The following ASIC2 variants were observed in gnomAD, a reference collection of about 807,000 sequenced individuals.
ASIC2 encodes acid-sensing ion channel 2.
ASIC2 carries 25 observed loss-of-function variants against 57.3 expected under a neutral mutation model. The ratio of observed to expected loss-of-function variants is 0.44; its 90% CI spans 0.32 to 0.61. The LOEUF (loss-of-function observed/expected upper bound fraction) is 0.61. ASIC2 is among the 20% of genes least tolerant of loss of function. The pLI is 0.06. For synonymous variants in ASIC2, 319 were observed against 307.5 expected, an observed-to-expected ratio of 1.04 and a Z score of -0.39; for missense variants, 641 against 738.1, an observed-to-expected ratio of 0.87 and a Z score of 1.52.
chr17:33,500,029 C>T (rs756424067), intron 1 of ASIC2, among the ~76,000 whole-genome samples: 3 of 150,820 alleles, frequency 2.0e-5, no homozygotes, highest in Non-Finnish European at 4.4e-5. Flanking sequence ...TTTTGACTTA[C>T]ACAGTTTAAT....
chr17:33,024,019 A>G lies in ASIC2; in HGVS notation c.1196-5T>C. 2 of 1,613,920 alleles carry G rather than the reference A, an allele frequency of 1.2e-6. No homozygotes were observed. On this transcript the variant is annotated splice_polypyrimidine_tract_variant and splice_region_variant and intron_variant, in intron 5 of 9. Transcript: ENST00000225823. ...TGTCCTTTTCCGCCAACAGACCTGGAGGGGAGAGTGAGGTGGGGCTTAGTC... is the reference window on the plus strand; with the variant it reads ...TGTCCTTTTCCGCCAACAGACCTGGGGGGGAGAGTGAGGTGGGGCTTAGTC...
chr17:33,418,020 ATGTATGTATGTGTGTGTGTGTGTGTG>A lies in ASIC2; in HGVS notation c.556-305979_556-305954del, dbSNP rs1365396964. ...CAGAGGCCCCACTCTGGCTCTCAGC[ATGTATGTATGTGTGTGTGTGTGTGTG>A]TGTGTGTGTGTGTGTGTGTGTGTGT... On this transcript the variant is annotated intron_variant, in intron 1 of 9. Coordinates refer to the ASIC2 transcript ENST00000359872. Among the ~76,000 whole-genome samples the A allele has an allele frequency of 6.5e-4, 77 of 117,636 alleles. No homozygotes were observed. In the South Asian group the frequency reaches 6.7e-3, roughly 10 times the overall value. The allele number at this position is 117,636 out of a possible 152,430, so 77.2% of individuals were successfully genotyped here.
chr17:34,124,949 T>G lies in ASIC2; in HGVS notation c.555+31029A>C, dbSNP rs555818059. On this transcript the variant is annotated intron_variant, in intron 1 of 9. Transcript: ENST00000359872. ...TGTAGTCCATAAAAATCCTCAGTGT[T>G]CCCCATGTCATAGATCACAGGAAAT... Among the ~76,000 whole-genome samples, 4 of 150,060 alleles carry G rather than the reference T, an allele frequency of 2.7e-5. No homozygotes were observed. In the South Asian group the frequency reaches 8.3e-4, roughly 31 times the overall value.
At chr17:33,687,095 C>T (rs1225798255) in intron 1 of ASIC2, among the ~76,000 whole-genome samples, 1 of 152,170 alleles carries the variant, frequency 6.6e-6, no homozygotes, top group Non-Finnish European at 1.5e-5. Flanking sequence ...TCAGTTTTTT[C>T]ATGTACAGCA....
intron 1 of ASIC2, among the ~76,000 whole-genome samples, chr17:33,929,187 C>A (rs1330326318): frequency 6.6e-6 from 1 of 152,118 alleles, no homozygotes; most frequent in Non-Finnish European, 1.5e-5. Context: ...CTCACCATTC[C>A]ACTGTTTTGT....
intron 1 of ASIC2, among the ~76,000 whole-genome samples, chr17:34,133,455 G>A (rs546472091): frequency 6.6e-6 from 1 of 152,350 alleles, no homozygotes; most frequent in East Asian, 1.9e-4. Flanking sequence ...TGTTGAGCTG[G>A]CTACAGAACA....
intron 1 of ASIC2, among the ~76,000 whole-genome samples, chr17:33,755,068 C>T (rs1265625406): frequency 4.6e-5 from 7 of 150,666 alleles, no homozygotes; most frequent in East Asian, 1.9e-4. Context: ...TTTGAGCTGA[C>T]GGGATTATTC....
At chr17:33,727,707 A>G (rs1909609374) in intron 1 of ASIC2, among the ~76,000 whole-genome samples, 2 of 152,188 alleles carry the variant, frequency 1.3e-5, no homozygotes, top group Non-Finnish European at 2.9e-5. Flanking sequence ...GGCCAGTATC[A>G]TGCTTCCTTT....
intron 1 of ASIC2, among the ~76,000 whole-genome samples, chr17:33,536,567 C>T (rs761534991): frequency 3.3e-5 from 5 of 152,248 alleles, no homozygotes; most frequent in Non-Finnish European, 7.3e-5. Flanking sequence ...TTTCTTACCA[C>T]TTGCACTGCT....
intron 1 of ASIC2, among the ~76,000 whole-genome samples, chr17:33,312,405 T>A (rs1289951116): frequency 6.6e-6 from 1 of 152,148 alleles, no homozygotes; most frequent in African/African-American, 2.4e-5. Flanking sequence ...TTCTGCCAAA[T>A]GTAGTCTGTT....
chr17:33,252,562 G>C (rs145115347), intron 1 of ASIC2, among the ~76,000 whole-genome samples: 343 of 152,186 alleles, frequency 2.3e-3, no homozygotes, highest in Admixed American at 5.2e-3. Context: ...CCGAGCCATA[G>C]GAAGGTGTGT....
chr17:33,155,776 T>C (rs963245805), intron 1 of ASIC2, among the ~76,000 whole-genome samples: 1 of 152,022 alleles, frequency 6.6e-6, no homozygotes, highest in African/African-American at 2.4e-5. Flanking sequence ...GCCAGGCTGG[T>C]CTCCAACTCC....
At chr17:33,366,545 A>T (rs964511124) in intron 1 of ASIC2, among the ~76,000 whole-genome samples, 8 of 152,200 alleles carry the variant, frequency 5.3e-5, no homozygotes, top group African/African-American at 1.4e-4. Flanking sequence ...CTTCTTTGAC[A>T]TCTTCTCCCT....
chr17:33,987,378 G>A lies in ASIC2; in HGVS notation c.555+168600C>T, dbSNP rs1275732180. Reference sequence around the variant, plus strand: ...TCTGATATATGAGAACCCTTTTATGGATGGGAGTGCAATTTACAGACTTCT... The same window carrying A: ...TCTGATATATGAGAACCCTTTTATGAATGGGAGTGCAATTTACAGACTTCT... On this transcript the variant is annotated intron_variant, in intron 1 of 9. Transcript: ENST00000359872. 2.6e-5 allele frequency among the ~76,000 whole-genome samples: 4 copies of A among 152,114 alleles called. No homozygotes were observed. The East Asian group carries it at 5.8e-4, about 22-fold the overall frequency.
intron 1 of ASIC2, among the ~76,000 whole-genome samples, chr17:33,745,013 G>T (rs1302653025): frequency 2.6e-5 from 4 of 152,186 alleles, no homozygotes; most frequent in African/African-American, 9.6e-5. Flanking sequence ...AAAGAACAGA[G>T]AGAAAATAAA....
At chr17:33,521,195 G>T (rs1914729612) in intron 1 of ASIC2, among the ~76,000 whole-genome samples, 2 of 152,208 alleles carry the variant, frequency 1.3e-5, no homozygotes. Flanking sequence ...TGCGGGAGAA[G>T]TAGCAAATAA....
chr17:33,969,995 C>T (rs1905180950), intron 1 of ASIC2, among the ~76,000 whole-genome samples: 1 of 152,150 alleles, frequency 6.6e-6, no homozygotes, highest in Admixed American at 6.5e-5. Flanking sequence ...GCTGCCGGTA[C>T]CATTAGGATC....
chr17:33,446,599 C>T (rs12600706), intron 1 of ASIC2, among the ~76,000 whole-genome samples: 58,684 of 151,860 alleles, frequency 0.39, 11,713 homozygotes, highest in Non-Finnish European at 0.42. Context: ...TCTTCTCCCA[C>T]GTGGAGAAGA....
intron 1 of ASIC2, among the ~76,000 whole-genome samples, chr17:33,178,092 G>T (rs189670461): frequency 6.6e-6 from 1 of 152,218 alleles, no homozygotes; most frequent in Non-Finnish European, 1.5e-5. Context: ...AGAATCCCTA[G>T]GTTACCATTA....
Sources: gnomAD v4.1 joint callset for allele counts (sites outside exome capture counted in the v4.1 genomes callset) on GRCh38, gnomAD v4.1.1 for gene constraint, MANE v1.5 for transcripts, NCBI Gene and HGNC (gene_info 2026-07-23, HGNC 2026-07-21) for gene names.